Variants in INPP5F observed in about 807,000 individuals in gnomAD.
INPP5F encodes inositol polyphosphate-5-phosphatase F.
A neutral mutation model predicts 137.2 loss-of-function variants in INPP5F; 97 were observed. The observed-to-expected ratio is 0.71, with a 90% CI of 0.60 to 0.84. INPP5F has a LOEUF of 0.84. Among genes scored for constraint, INPP5F ranks in the 40% least tolerant of loss-of-function variants. INPP5F has a pLI of 0.00. For synonymous variants in INPP5F, 504 were observed against 476.9 expected, an observed-to-expected ratio of 1.06 and a Z score of -0.74; for missense variants, 1,271 against 1,371.9, an observed-to-expected ratio of 0.93 and a Z score of 1.16.
At chr10:119,816,626 C>T (rs933256053) in intron 15 of INPP5F, 5 of 152,276 alleles carry the variant, frequency 3.3e-5, no homozygotes, top group Non-Finnish European at 5.9e-5. Flanking sequence ...TGCTATAGAA[C>T]CTCTGTACAG....
intron 15 of INPP5F, chr10:119,816,191 G>C (rs1851269368): frequency 3.3e-5 from 5 of 152,428 alleles, no homozygotes; most frequent in Admixed American, 3.3e-4. Flanking sequence ...TTTAGGCTGG[G>C]GCACAGGAGG....
At chr10:119,790,219 T>A (rs1453784190) in intron 3 of INPP5F, among the ~76,000 whole-genome samples, 3 of 151,994 alleles carry the variant, frequency 2.0e-5, no homozygotes, top group Non-Finnish European at 4.4e-5. Context: ...ACGGAAACGA[T>A]CACAGAAAGA....
rs7092563 is a variant in INPP5F, at chr10:119,736,002, C to T, written c.97+9643C>T. ...AAAATTAGGCGGGTGTGGTGGCGAG[C>T]GCCGGTAATCCCAGCTTCTCTGTTA... is the stretch of plus-strand genomic sequence containing the variant. On this transcript the variant is annotated intron_variant, in intron 1 of 19. Transcript: ENST00000650623. 1.9e-3 allele frequency among the ~76,000 whole-genome samples: 293 copies of T among 152,200 alleles called. 1 individual carries two copies. The highest frequency in any genetic ancestry group is 6.8e-3 in the African/African-American group (281 of 41,526).
intron 1 of INPP5F, among the ~76,000 whole-genome samples, 179 bp downstream of exon 1, chr10:119,726,538 C>A (rs1450801215): frequency 6.6e-6 from 1 of 152,212 alleles, no homozygotes; most frequent in East Asian, 1.9e-4. Flanking sequence ...TGGCCTTTCT[C>A]CGAGACAGCG....
At chr10:119,810,381 A>G (rs1850981468) in intron 14 of INPP5F, among the ~76,000 whole-genome samples, 164 bp downstream of exon 14, 3 of 152,208 alleles carry the variant, frequency 2.0e-5, no homozygotes, top group Admixed American at 1.3e-4. Context: ...ACAAGATTAG[A>G]ATTTGACAAA....
At chr10:119,769,002 A>G (rs1458605388) in intron 2 of INPP5F, among the ~76,000 whole-genome samples, 1 of 152,238 alleles carries the variant, frequency 6.6e-6, no homozygotes, top group African/African-American at 2.4e-5. Context: ...TGAGAGAACT[A>G]AGAAAGCAGG....
In INPP5F at chr10:119,726,301, G is replaced by T. The variant is rs772625845; in HGVS notation, c.39G>T (p.Gln13His). The T allele has an allele frequency of 4.7e-6, 7 of 1,489,684 alleles. No homozygotes were observed. Among genetic ancestry groups the T allele is most frequent in the Middle Eastern group, 1.8e-4 (1 of 5,534 alleles). 92.3% of individuals were successfully genotyped at this position (1,489,684 alleles called of 1,614,324 possible). ...LFQAKDHYIL[Q>H]QGERALWCSR... ...AAGCCAAGGACCACTACATCCTGCA[G>T]CAGGGCGAGCGCGCGCTGTGGTGCA... Residue 13 changes from glutamine (Q) to histidine (H), a missense_variant, in exon 1 of 20, where the codon CAG becomes CAT. Gln to His is a conservative substitution (Grantham distance 24, BLOSUM62 0). This residue lies in a region of INPP5F where 109 missense variants were observed against 105.1 expected (regional missense o/e 1.04). Transcript: ENST00000650623.
chr10:119,788,731 G>GGTTGGGAC (rs1850014944), intron 3 of INPP5F, among the ~76,000 whole-genome samples: 1 of 152,202 alleles, frequency 6.6e-6, no homozygotes, highest in African/African-American at 2.4e-5. Flanking sequence ...GGCTATTAGA[G>GGTTGGGAC]GTTGGGACAA....
At chr10:119,756,723 A>G (rs149800789) in intron 2 of INPP5F, among the ~76,000 whole-genome samples, 260 of 152,340 alleles carry the variant, frequency 1.7e-3, no homozygotes, top group African/African-American at 6.1e-3. Flanking sequence ...GTTTTTGGTA[A>G]CAACACATTA....
intron 19 of INPP5F, among the ~76,000 whole-genome samples, chr10:119,825,307 C>G (rs1310961822): frequency 6.6e-6 from 1 of 152,156 alleles, no homozygotes; most frequent in African/African-American, 2.4e-5. Flanking sequence ...TCACTTGTCC[C>G]TAACAGTGCC....
intron 9 of INPP5F, chr10:119,799,258 T>A (rs1319369992): frequency 2.4e-6 from 1 of 411,128 alleles, no homozygotes; most frequent in Non-Finnish European, 4.8e-6. Flanking sequence ...CCAGTGTGAA[T>A]GAGTAATGCC....
At chr10:119,775,065 C>G (rs1849480257) in intron 2 of INPP5F, among the ~76,000 whole-genome samples, 2 of 152,092 alleles carry the variant, frequency 1.3e-5, no homozygotes, top group Non-Finnish European at 2.9e-5. Flanking sequence ...TCTAAGTTCT[C>G]TACCTTAATT....
At chr10:119,755,072 T>C (rs1564809883) in intron 2 of INPP5F, among the ~76,000 whole-genome samples, 1 of 152,254 alleles carries the variant, frequency 6.6e-6, no homozygotes. Flanking sequence ...TTTGAACAGA[T>C]GTCATTGACA....
intron 2 of INPP5F, among the ~76,000 whole-genome samples, chr10:119,771,198 A>C (rs1010204295): frequency 1.3e-5 from 2 of 152,238 alleles, no homozygotes; most frequent in Non-Finnish European, 2.9e-5. Context: ...CACATAAATG[A>C]AATCATACAA....
chr10:119,757,452 A>T (rs923252541), intron 2 of INPP5F, among the ~76,000 whole-genome samples: 5 of 152,056 alleles, frequency 3.3e-5, no homozygotes, highest in Admixed American at 6.6e-5. Context: ...TCTGTGAAAA[A>T]TCAACATTAA....
intron 2 of INPP5F, among the ~76,000 whole-genome samples, chr10:119,769,502 T>C (rs978006548): frequency 1.3e-5 from 2 of 152,168 alleles, no homozygotes; most frequent in Non-Finnish European, 2.9e-5. Flanking sequence ...AAATGATTTC[T>C]GGTCATGTGT....
At chr10:119,774,114 T>G (rs1849444783) in intron 2 of INPP5F, among the ~76,000 whole-genome samples, 1 of 151,762 alleles carries the variant, frequency 6.6e-6, no homozygotes, top group Non-Finnish European at 1.5e-5. Flanking sequence ...ATAAAAAAAT[T>G]AGCTAGGCAT....
At chr10:119,826,515 C>T in intron 19 of INPP5F, 116 bp from the exon 20 acceptor site, 1 of 778,222 alleles carries the variant, frequency 1.3e-6, no homozygotes, top group South Asian at 1.8e-5. Context: ...GTTAGCAATG[C>T]ACTGTTTTCA....
rs988106850 is a variant in INPP5F, at chr10:119,748,073, C to A, written c.98-3003C>A. ...TGGGCTTGCACTACCAGCCCGGATC[C>A]CATGCCTGCCAATGGCAAGCCAGGT... is the stretch of plus-strand genomic sequence containing the variant. On this transcript the variant is annotated intron_variant, in intron 1 of 19. Transcript: ENST00000650623. This position sits in a 1 kb window ranked among gnomAD's most constrained non-coding sequence, Gnocchi z 4.7. Among the ~76,000 whole-genome samples, 1 of 152,188 alleles carries A rather than the reference C, an allele frequency of 6.6e-6. No homozygotes were observed.
Sources: gnomAD v4.1 joint callset for allele counts (sites outside exome capture counted in the v4.1 genomes callset) on GRCh38, gnomAD v4.1.1 for gene constraint, gnomAD v4.1.1 regional missense constraint, Gnocchi (gnomAD v3.1) non-coding constraint, MANE v1.5 for transcripts, NCBI Gene and HGNC (gene_info 2026-07-23, HGNC 2026-07-21) for gene names.